Variants in SAMD12 observed in about 807,000 individuals in gnomAD.
SAMD12 encodes the protein sterile alpha motif domain-containing protein 12.
Under a neutral mutation model 15.0 loss-of-function variants are expected in SAMD12, and 9 were observed. That is an observed-to-expected ratio of 0.60 (90% CI 0.36 to 1.05). The LOEUF (loss-of-function observed/expected upper bound fraction) is 1.05, where lower values mean the gene tolerates loss of function less well. Among genes scored for constraint, SAMD12 ranks in the 50% least tolerant of loss-of-function variants. The pLI is 0.01. For missense variants in SAMD12, 230 were observed against 234.2 expected (o/e 0.98, Z 0.12); for synonymous variants, 86 against 90.1 (o/e 0.96, Z 0.25).
At chr8:118,451,583 T>G (rs995254626) in intron 2 of SAMD12, among the ~76,000 whole-genome samples, 1 of 152,242 alleles carries the variant, frequency 6.6e-6, no homozygotes. Context: ...GTGTTTTATT[T>G]GGATCATTTT....
At chr8:118,323,236 C>T (rs1350399256) in intron 4 of SAMD12, among the ~76,000 whole-genome samples, 2 of 152,150 alleles carry the variant, frequency 1.3e-5, no homozygotes, top group Non-Finnish European at 2.9e-5. Context: ...ATATTTGTTA[C>T]AGCAGCTAGT....
At chr8:118,366,644 C>A (rs1001775581) in intron 4 of SAMD12, among the ~76,000 whole-genome samples, 3 of 151,560 alleles carry the variant, frequency 2.0e-5, no homozygotes, top group Non-Finnish European at 4.4e-5. Context: ...GAAATCCCGT[C>A]TCTACTAAAA....
Position 118,256,858 on chromosome 8 carries a change from T to C in SAMD12, c.434-59126A>G, listed in dbSNP as rs528818727. Among the ~76,000 whole-genome samples the C allele has an allele frequency of 2.0e-5, 3 of 151,658 alleles. No homozygotes were observed. In the South Asian group the frequency reaches 6.3e-4, roughly 32 times the overall value. ...TTTTAGCTACGGAATTCTTGGTTCA[T>C]AGAGTCTTTTAGGATACTTTGGATT... On this transcript the variant is annotated intron_variant, in intron 4 of 4. Transcript: ENST00000409003.
At chr8:118,151,620 A>C in the SAMD12 span, among the ~76,000 whole-genome samples, 4 of 152,062 alleles carry the variant, frequency 2.6e-5, no homozygotes, top group African/African-American at 9.7e-5. Context: ...CAAGGTCAGG[A>C]GATCGAGACC....
At chr8:118,158,314 C>T in the SAMD12 span, among the ~76,000 whole-genome samples, 1 of 152,224 alleles carries the variant, frequency 6.6e-6, no homozygotes, top group Non-Finnish European at 1.5e-5. Context: ...CCAGCAAGAA[C>T]AGAAAATAGT....
Position 118,594,218 on chromosome 8 carries a change from G to C in SAMD12, c.14-13325C>G, listed in dbSNP as rs1010146691. Among the ~76,000 whole-genome samples the C allele has an allele frequency of 3.3e-5, 5 of 151,700 alleles. No individual in the cohort carries two copies. The Admixed American group carries it at 3.3e-4, about 10-fold the overall frequency. On this transcript the variant is annotated intron_variant, in intron 1 of 3. Coordinates refer to ENST00000314727, the MANE Select transcript of SAMD12 (RefSeq NM_207506.3). ...ATAAATATGTGAGGAAGCTCTCGGT[G>C]GTCCTCAGCAAAATGAAGAAAAAAA...
intron 4 of SAMD12, among the ~76,000 whole-genome samples, chr8:118,217,073 G>A (rs1346501515): frequency 3.3e-5 from 5 of 151,922 alleles, no homozygotes; most frequent in East Asian, 1.9e-4. Flanking sequence ...GTGCGATCTC[G>A]GCTCACTGCA....
intron 1 of SAMD12, among the ~76,000 whole-genome samples, chr8:118,616,108 A>G (rs1275867823): frequency 6.6e-6 from 1 of 152,262 alleles, no homozygotes; most frequent in East Asian, 1.9e-4. Context: ...AAAGATCCTC[A>G]GGAATAAGTG....
chr8:118,234,937 T>C (rs1812395600), intron 4 of SAMD12, among the ~76,000 whole-genome samples: 1 of 152,148 alleles, frequency 6.6e-6, no homozygotes, highest in African/African-American at 2.4e-5. Context: ...ATCCACTTTT[T>C]CTTACATAAA....
chr8:118,480,185 C>T (rs886229693), intron 2 of SAMD12, among the ~76,000 whole-genome samples: 5 of 152,272 alleles, frequency 3.3e-5, no homozygotes, highest in Middle Eastern at 3.4e-3. Flanking sequence ...CTGTGGAAAG[C>T]GGCAGCATCA....
intron 2 of SAMD12, among the ~76,000 whole-genome samples, chr8:118,575,677 C>A (rs1227643769): frequency 6.6e-6 from 1 of 152,122 alleles, no homozygotes; most frequent in East Asian, 1.9e-4. Flanking sequence ...AAAGCTCTGA[C>A]TCCAGGAATT....
chr8:118,343,215 C>CAA (rs1817461699), intron 4 of SAMD12, among the ~76,000 whole-genome samples: 2 of 152,000 alleles, frequency 1.3e-5, no homozygotes, highest in African/African-American at 2.4e-5. Flanking sequence ...CAGCCACTTC[C>CAA]AACAGAGTGG....
intron 4 of SAMD12, among the ~76,000 whole-genome samples, chr8:118,317,411 A>G (rs1311992552): frequency 1.3e-5 from 2 of 152,344 alleles, no homozygotes; most frequent in East Asian, 1.9e-4. Context: ...GAATGCATAA[A>G]TAAACTGTGG....
At chr8:118,390,156 G>A (rs962939560) in intron 3 of SAMD12, among the ~76,000 whole-genome samples, 6 of 150,992 alleles carry the variant, frequency 4.0e-5, no homozygotes, top group East Asian at 1.9e-4. Context: ...ATAGGTGCCC[G>A]CCACCATGCC....
rs141290440 is a variant in SAMD12 at position 118,584,922 on chromosome 8, T to TACACACAC, written c.14-4037_14-4030dup. Among the ~76,000 whole-genome samples, 100 of 146,970 alleles carry TACACACAC rather than the reference T, an allele frequency of 6.8e-4. 2 individuals are homozygous for TACACACAC. The highest frequency in any genetic ancestry group is 7.5e-4 in the Non-Finnish European group (50 of 66,638). On this transcript the variant is annotated intron_variant, in intron 1 of 3. Transcript: ENST00000314727. Reference sequence around the variant, plus strand: ...AATCCAACAATTCAACTTGTAGGTATACACACACACACACACACACACACA... The same window carrying TACACACAC: ...AATCCAACAATTCAACTTGTAGGTATACACACACACACACACACACACACACACACACA...
At chr8:118,619,436 G>C (rs367840530) in intron 1 of SAMD12, among the ~76,000 whole-genome samples, 1 of 139,596 alleles carries the variant, frequency 7.2e-6, no homozygotes, top group South Asian at 2.3e-4. Context: ...CTGAGACCGC[G>C]CCACTGTACT....
intron 2 of SAMD12, among the ~76,000 whole-genome samples, chr8:118,462,725 G>A (rs1047384613): frequency 1.3e-5 from 2 of 152,140 alleles, no homozygotes; most frequent in Middle Eastern, 6.3e-3. Flanking sequence ...AAGCACAGAG[G>A]CCAAGGACCA....
chr8:118,566,190 T>C (rs1826840894), intron 2 of SAMD12, among the ~76,000 whole-genome samples: 1 of 152,182 alleles, frequency 6.6e-6, no homozygotes, highest in African/African-American at 2.4e-5. Flanking sequence ...ATGATCTTCT[T>C]TCTTTTCTAA....
At chr8:118,262,726 A>G (rs1813108268) in intron 4 of SAMD12, among the ~76,000 whole-genome samples, 1 of 152,054 alleles carries the variant, frequency 6.6e-6, no homozygotes, top group Non-Finnish European at 1.5e-5. Context: ...CCTGGGGTAC[A>G]AAATAGGCTT....
Sources: allele counts gnomAD v4.1 joint callset (sites outside exome capture counted in the v4.1 genomes callset), GRCh38; gene constraint gnomAD v4.1.1; transcripts MANE v1.5; gene names NCBI Gene and HGNC (gene_info 2026-07-23, HGNC 2026-07-21).